ABCA4: variants seen among roughly 807,000 people sequenced by gnomAD.
ABCA4 encodes ATP binding cassette subfamily A member 4.
Under a neutral mutation model 263.7 loss-of-function variants are expected in ABCA4, and 196 were observed. That is an observed-to-expected ratio of 0.74 (90% CI 0.66 to 0.84). The LOEUF is 0.84. ABCA4 is among the 40% of genes least tolerant of loss of function. The probability of loss-of-function intolerance (pLI) is 0.00; values close to 1 mark genes in which losing one functional copy is unlikely to be tolerated. For synonymous variants in ABCA4, 1,133 were observed against 1,094.2 expected (o/e 1.04, Z -0.70); for missense variants, 2,792 against 2,855.1 (o/e 0.98, Z 0.50).
intron 18 of ABCA4, among the ~76,000 whole-genome samples, chr1:94,047,855 G>A (rs1201161312): frequency 6.6e-6 from 1 of 152,000 alleles, no homozygotes; most frequent in Non-Finnish European, 1.5e-5. Flanking sequence ...ACTTCTCCCT[G>A]ACCTCCCATC....
At chr1:94,004,269 C>T (rs566024926) in intron 44 of ABCA4, among the ~76,000 whole-genome samples, 6 of 152,344 alleles carry the variant, frequency 3.9e-5, no homozygotes, top group African/African-American at 1.2e-4. Flanking sequence ...GTGCTACCTC[C>T]GGTTCCTATC....
chr1:94,010,802 TTG>T lies in ABCA4; in HGVS notation c.5710_5711del (p.Gln1904MetfsTer7). 6.2e-7 allele frequency: 1 copy of T among 1,614,110 alleles called. No homozygotes were observed. Among genetic ancestry groups the T allele is most frequent in the South Asian group, 1.1e-5 (1 of 91,080 alleles). On this transcript the variant is annotated frameshift_variant, in exon 40 of 50. Transcript: ENST00000370225. LOFTEE classifies it high-confidence loss of function. ...LLVQRHFFLS[Q>X]WIAEPTKEPI... ...CCCAGGGTGTGGCATGGACGTACCA[TTG>T]GGAGAGGAAGAAGTGGCGCTGGACC...
At position 94,085,777 on chromosome 1, in the gene ABCA4, T is replaced by C. The variant is rs538945367; in HGVS notation, c.769-2336A>G. Among the ~76,000 whole-genome samples, 3 of 152,318 alleles carry C rather than the reference T, an allele frequency of 2.0e-5. No individual in the cohort carries two copies. In the South Asian group the frequency reaches 6.2e-4, roughly 32 times the overall value. On this transcript the variant is annotated intron_variant, in intron 6 of 49. Coordinates refer to ENST00000370225, the MANE Select transcript of ABCA4 (RefSeq NM_000350.3). ...CTGCCACAGTGGACTTCTTTTTATG[T>C]CTGCTCACACGTCAGCTGTCTCCTG...
In ABCA4 at chr1:94,066,674, C is replaced by T. The variant is rs140585412; in HGVS notation, c.1555-3357G>A. Among the ~76,000 whole-genome samples, 547 of 152,336 alleles carry T rather than the reference C, an allele frequency of 3.6e-3. 3 individuals are homozygous for T. The highest frequency in any genetic ancestry group is 0.012 in the African/African-American group (517 of 41,576). On this transcript the variant is annotated intron_variant, in intron 11 of 49. Coordinates refer to ENST00000370225, the MANE Select transcript of ABCA4 (RefSeq NM_000350.3). The stretch of plus-strand genomic sequence containing the variant: ...CTAGGTCAGAAGCAGAGCCTGCATC[C>T]GTGTCTTCAGTGCTGAGCCTGCAGA...
At chr1:94,113,955 A>G (rs1662677825) in intron 1 of ABCA4, among the ~76,000 whole-genome samples, 1 of 152,178 alleles carries the variant, frequency 6.6e-6, no homozygotes, top group South Asian at 2.1e-4. Context: ...GGAATTATGG[A>G]GAGGAAGAGG....
At chr1:94,061,258 A>G in intron 13 of ABCA4, 2 of 202,632 alleles carry the variant, frequency 9.9e-6, no homozygotes, top group South Asian at 1.9e-4. Flanking sequence ...ACAAAAAGAC[A>G]CACAAAATAA....
intron 3 of ABCA4, 141 bp from the exon 4 acceptor site, chr1:94,108,857 C>G: frequency 9.1e-6 from 10 of 1,094,116 alleles, no homozygotes; most frequent in Non-Finnish European, 1.3e-5. Context: ...ACTGCAAGCT[C>G]TGCCCCCCGG....
chr1:94,089,823 A>T (rs1661924240), intron 6 of ABCA4, among the ~76,000 whole-genome samples: 1 of 152,176 alleles, frequency 6.6e-6, no homozygotes, highest in Non-Finnish European at 1.5e-5. Flanking sequence ...CAAAATAAAG[A>T]CTAAAATACT....
chr1:94,115,233 A>G (rs1038108465), intron 1 of ABCA4, among the ~76,000 whole-genome samples: 2 of 152,214 alleles, frequency 1.3e-5, no homozygotes, highest in Non-Finnish European at 2.9e-5. Flanking sequence ...GAAATGAGAC[A>G]TCCAGTTCAA....
chr1:94,112,451 C>T (rs1662635567), intron 2 of ABCA4, among the ~76,000 whole-genome samples: 2 of 152,140 alleles, frequency 1.3e-5, no homozygotes, highest in Admixed American at 1.3e-4. Context: ...AATAAGTGCA[C>T]AGTCCCTTAG....
intron 10 of ABCA4, among the ~76,000 whole-genome samples, chr1:94,078,108 A>T (rs1035315417): frequency 1.2e-4 from 19 of 152,064 alleles, no homozygotes; most frequent in Admixed American, 2.6e-4. Context: ...GGGGCAAAGG[A>T]GGGGCCAGAT....
At chr1:94,081,156 C>T (rs1557796073) in intron 7 of ABCA4, among the ~76,000 whole-genome samples, 1 of 152,058 alleles carries the variant, frequency 6.6e-6, no homozygotes. Flanking sequence ...ACCTGGGGGG[C>T]AGAGCTTACA....
chr1:94,065,862 T>C (rs1483815168), intron 11 of ABCA4, among the ~76,000 whole-genome samples: 2 of 152,214 alleles, frequency 1.3e-5, no homozygotes, highest in South Asian at 2.1e-4. Flanking sequence ...TTAATAATTA[T>C]GTTAAAAGGA....
At chr1:94,015,718 C>T (rs1392457929) in intron 37 of ABCA4, 21 bp downstream of exon 37, 3 of 1,596,056 alleles carry the variant, frequency 1.9e-6, no homozygotes, top group Non-Finnish European at 2.6e-6. Flanking sequence ...GAGGCATTAG[C>T]TAATGGCCCA....
intron 49 of ABCA4, among the ~76,000 whole-genome samples, chr1:93,995,648 AC>A (rs1404261472): frequency 6.6e-6 from 1 of 152,204 alleles, no homozygotes; most frequent in Non-Finnish European, 1.5e-5. Context: ...CCTTGATCTA[AC>A]CAAATGTGTC....
In ABCA4 at chr1:94,008,783, T is replaced by C. The variant is rs1659468279; in HGVS notation, c.5803A>G (p.Thr1935Ala). ...RQRIITGGNK[T>A]DILRLHELTK... ...AGTTCATGTAGCCTTAAGATGTCAG[T>C]TTTATTTCCACCAGTAATAATTCTT... The change falls in exon 41 of 50, where the codon ACT (threonine) becomes GCT (alanine). Residue 1935 changes from threonine to alanine, a missense_variant. Coordinates refer to ENST00000370225, the MANE Select transcript of ABCA4 (RefSeq NM_000350.3). The C allele has an allele frequency of 6.2e-7, 1 of 1,614,078 alleles. No individual in the cohort carries two copies. Among genetic ancestry groups the C allele is most frequent in the East Asian group, 2.2e-5 (1 of 44,866 alleles).
intron 4 of ABCA4, among the ~76,000 whole-genome samples, chr1:94,107,583 T>C (rs1662474309): frequency 6.6e-6 from 1 of 152,196 alleles, no homozygotes; most frequent in Non-Finnish European, 1.5e-5. Flanking sequence ...AGCCTCTTCA[T>C]CCTTTCTCTT....
chr1:94,057,560 TGCTA>T (rs1165642694), intron 14 of ABCA4, among the ~76,000 whole-genome samples: 2 of 152,216 alleles, frequency 1.3e-5, no homozygotes, highest in Non-Finnish European at 2.9e-5. Flanking sequence ...TTCTGAGGTT[TGCTA>T]CCCACACAGG....
At chr1:94,025,935 A>T (rs1482924151) in intron 30 of ABCA4, among the ~76,000 whole-genome samples, 1 of 152,228 alleles carries the variant, frequency 6.6e-6, no homozygotes, top group African/African-American at 2.4e-5. Flanking sequence ...TGTGACATTA[A>T]TGAAAGAATT....
Sources: allele counts gnomAD v4.1 joint callset (sites outside exome capture counted in the v4.1 genomes callset), GRCh38; gene constraint gnomAD v4.1.1; transcripts MANE v1.5; gene names NCBI Gene and HGNC (gene_info 2026-07-23, HGNC 2026-07-21).